FBXL5: variants seen among roughly 807,000 people sequenced by gnomAD.
The protein encoded by FBXL5 is F-box/LRR-repeat protein 5.
In FBXL5, 26 loss-of-function variants were observed where a neutral mutation model predicts 78.3. The observed-to-expected ratio is 0.33, with a 90% CI of 0.24 to 0.46. The LOEUF (loss-of-function observed/expected upper bound fraction) is 0.46. Among genes scored for constraint, FBXL5 ranks in the 20% least tolerant of loss-of-function variants. FBXL5 has a pLI of 1.00. For synonymous variants in FBXL5, 295 were observed against 282.5 expected (o/e 1.04, Z -0.45); for missense variants, 710 against 829.2 (o/e 0.86, Z 1.77).
At chr4:15,641,398 A>G (rs1260290869) in intron 2 of FBXL5, 5 of 349,870 alleles carry the variant, frequency 1.4e-5, no homozygotes, top group Non-Finnish European at 2.2e-5. Context: ...CTTCCTCCTC[A>G]GCCTACTCAA....
rs1427579897 is a variant in FBXL5 at position 15,605,130 on chromosome 4, G to A, written c.*593C>T. On this transcript the variant is annotated 3_prime_UTR_variant, in exon 11 of 11. Transcript: ENST00000341285. ...GTGGTGAGAACAAAGTATCCCTAAA[G>A]GAAACAAATATCGATTGGTGCTTTC... 1 of 152,584 alleles carries A rather than the reference G, an allele frequency of 6.6e-6. No homozygotes were observed. The highest frequency in any genetic ancestry group is 1.5e-5 in the Non-Finnish European group (1 of 68,032). The allele number at this position is 152,584 out of a possible 1,614,324, so 9.5% of individuals were successfully genotyped here.
Position 15,625,800 on chromosome 4 carries a change from T to C in FBXL5, c.1302A>G (p.Lys434=). 1 of 1,614,168 alleles carries C rather than the reference T, an allele frequency of 6.2e-7. No homozygotes were observed. The highest frequency in any genetic ancestry group is 8.5e-7 in the Non-Finnish European group (1 of 1,180,014). ...GCTTGGTGGACTGCATGGTAATGTC[T>C]TTATTTTTCCACGCAGTTGAAGTAA... is the stretch of plus-strand genomic sequence containing the variant. ...SKITSTAWKN[K]DITMQSTKQY... The change falls in exon 9 of 11, where the codon AAA becomes AAG. Residue 434 remains lysine, a synonymous_variant. Coordinates refer to ENST00000341285, the MANE Select transcript of FBXL5 (RefSeq NM_012161.4).
At chr4:15,661,661 T>C (rs1357269436), upstream of FBXL5, among the ~76,000 whole-genome samples, 4 of 152,216 alleles carry the variant, frequency 2.6e-5, no homozygotes, top group African/African-American at 7.2e-5. Flanking sequence ...CATGTATTAG[T>C]TATCTGTTGT....
chr4:15,631,075 C>T (rs1239194240), intron 5 of FBXL5, among the ~76,000 whole-genome samples: 1 of 152,126 alleles, frequency 6.6e-6, no homozygotes, highest in South Asian at 2.1e-4. Flanking sequence ...CAGTCCCCTA[C>T]CCCCACCACA....
intron 6 of FBXL5, among the ~76,000 whole-genome samples, chr4:15,630,094 T>C (rs957028279): frequency 6.6e-6 from 1 of 152,180 alleles, no homozygotes; most frequent in Admixed American, 6.5e-5. Context: ...TCTCTCTCAT[T>C]TGTGAGTTGT....
upstream of FBXL5, among the ~76,000 whole-genome samples, chr4:15,664,550 C>CTTT (rs35319145): frequency 0.011 from 794 of 75,478 alleles, 8 homozygotes; most frequent in East Asian, 0.015. Context: ...GGCCCTCATC[C>CTTT]TTTTTTTTTT....
chr4:15,656,806 C>G (rs1484290913), upstream of FBXL5, among the ~76,000 whole-genome samples: 1 of 152,062 alleles, frequency 6.6e-6, no homozygotes, highest in Non-Finnish European at 1.5e-5. Context: ...ACAGTACCGT[C>G]TGTAAGCTAG....
chr4:15,662,710 A>G (rs1396799610), upstream of FBXL5, among the ~76,000 whole-genome samples: 5 of 152,200 alleles, frequency 3.3e-5, no homozygotes, highest in East Asian at 9.6e-4. Context: ...AATTGAATCA[A>G]TCCATTCAAT....
chr4:15,626,955 C>G lies in FBXL5; in HGVS notation c.1042G>C (p.Val348Leu), dbSNP rs761691985. 1 of 1,604,790 alleles carries G rather than the reference C, an allele frequency of 6.2e-7. No homozygotes were observed. Among genetic ancestry groups the G allele is most frequent in the Non-Finnish European group, 8.5e-7 (1 of 1,174,650 alleles). Residue 348 changes from valine (V) to leucine (L), a missense_variant and splice_region_variant, in exon 8 of 11, where the codon GTT (valine) becomes CTT (leucine). By Grantham distance (32) the Val-to-Leu change is conservative (BLOSUM62 1). This residue lies in a region of FBXL5 where 517 missense variants were observed against 542.9 expected (regional missense o/e 0.95). Transcript: ENST00000341285. ...AYSSAVSSKM[V>L]RQILELCPNL... ...GGACAAAGCTCTAAAATCTGCCTAA[C>G]CTAAAAGGCAAGAAATTGTCACTGT...
intron 9 of FBXL5, among the ~76,000 whole-genome samples, chr4:15,614,747 C>T (rs532127735): frequency 9.2e-5 from 14 of 152,240 alleles, no homozygotes; most frequent in African/African-American, 2.4e-4. Context: ...GGTGACAGCA[C>T]GCTGGCAGTC....
rs187810653 is a variant in FBXL5 at position 15,624,271 on chromosome 4, G to A, written c.1850+981C>T. 4.6e-5 allele frequency among the ~76,000 whole-genome samples: 7 copies of A among 152,126 alleles called. No homozygotes were observed. In the East Asian group the frequency reaches 1.2e-3, roughly 25 times the overall value. ...CCAAAGGCTCATGTCAAAGATAATC[G>A]ATTACTGCACATCAGTTTCCACTTA... is the stretch of plus-strand genomic sequence containing the variant. On this transcript the variant is annotated intron_variant, in intron 9 of 10. Coordinates refer to ENST00000341285, the MANE Select transcript of FBXL5 (RefSeq NM_012161.4).
intron 9 of FBXL5, among the ~76,000 whole-genome samples, chr4:15,624,880 A>G (rs1171916076): frequency 2.0e-5 from 3 of 152,234 alleles, no homozygotes; most frequent in East Asian, 1.9e-4. Context: ...GTATAAAACT[A>G]TAACATACAG....
intron 10 of FBXL5, among the ~76,000 whole-genome samples, chr4:15,607,382 G>T (rs1320177909): frequency 6.6e-6 from 1 of 152,006 alleles, no homozygotes; most frequent in Non-Finnish European, 1.5e-5. Context: ...CTTTAAATGA[G>T]AAGTTAAATA....
chr4:15,627,457 G>A (rs12645849), intron 7 of FBXL5, among the ~76,000 whole-genome samples: 42,876 of 151,960 alleles, frequency 0.28, 6,274 homozygotes, highest in East Asian at 0.47. Flanking sequence ...GCAGTTATGA[G>A]ACTAAACCAG....
chr4:15,640,320 T>C (rs562062883), intron 3 of FBXL5, among the ~76,000 whole-genome samples: 2 of 142,474 alleles, frequency 1.4e-5, no homozygotes, highest in African/African-American at 2.6e-5. Flanking sequence ...GCTGGGATTA[T>C]AGACGTGAAC....
chr4:15,661,834 C>T (rs1249468960), upstream of FBXL5, among the ~76,000 whole-genome samples: 1 of 152,170 alleles, frequency 6.6e-6, no homozygotes, highest in Non-Finnish European at 1.5e-5. Context: ...GCTAAAGCTG[C>T]GATCATCCGA....
intron 1 of FBXL5, among the ~76,000 whole-genome samples, chr4:15,647,376 T>C (rs1013167145): frequency 6.6e-6 from 1 of 152,072 alleles, no homozygotes. Flanking sequence ...TGGGAAGATA[T>C]GTGTAAGTTA....
At chr4:15,608,236 T>C (rs1722012910) in intron 10 of FBXL5, among the ~76,000 whole-genome samples, 2 of 152,000 alleles carry the variant, frequency 1.3e-5, no homozygotes, top group Admixed American at 1.3e-4. Flanking sequence ...AGTATGCAAT[T>C]GGTTTTCAAA....
chr4:15,664,550 CTTTTTTT>C (rs35319145), upstream of FBXL5, among the ~76,000 whole-genome samples: 1 of 75,522 alleles, frequency 1.3e-5, no homozygotes, highest in African/African-American at 5.3e-5. Context: ...GGCCCTCATC[CTTTTTTT>C]TTTTTTTTTT....
Sources: allele counts gnomAD v4.1 joint callset (sites outside exome capture counted in the v4.1 genomes callset), GRCh38; gene constraint gnomAD v4.1.1; regional missense constraint gnomAD v4.1.1; transcripts MANE v1.5; gene names NCBI Gene and HGNC (gene_info 2026-07-23, HGNC 2026-07-21).